SPINK13: variants seen among roughly 807,000 people sequenced by gnomAD.
The protein encoded by SPINK13 is serine peptidase inhibitor Kazal type 13, also known as serine protease inhibitor Kazal-type 13.
Under a neutral mutation model 11.0 loss-of-function variants are expected in SPINK13, and 11 were observed. The observed-to-expected ratio is 1.00, with a 90% CI of 0.63 to 1.65. The LOEUF is 1.65. SPINK13 is among the 40% of genes most tolerant of loss of function. The pLI, the probability that SPINK13 is intolerant of heterozygous loss-of-function variation, is 0.00. For missense variants in SPINK13, 113 were observed against 117.7 expected, an observed-to-expected ratio of 0.96 and a Z score of 0.19; for synonymous variants, 31 against 35.6, an observed-to-expected ratio of 0.87 and a Z score of 0.46.
chr5:148,270,369 C>G (rs1042472537), intron 2 of SPINK13, among the ~76,000 whole-genome samples: 19 of 152,030 alleles, frequency 1.2e-4, no homozygotes, highest in Non-Finnish European at 2.5e-4. Context: ...CAAAAGAAAT[C>G]CTCTAGAGCA....
chr5:148,280,781 C>G (rs1306191850), intron 3 of SPINK13, among the ~76,000 whole-genome samples: 1 of 152,222 alleles, frequency 6.6e-6, no homozygotes, highest in East Asian at 1.9e-4. Context: ...CTTGAGGAGG[C>G]AGTCTATCCC....
At chr5:148,269,911 G>A in intron 1 of SPINK13, 129 bp from the exon 2 acceptor site, 1 of 508,892 alleles carries the variant, frequency 2.0e-6, no homozygotes, top group Non-Finnish European at 3.3e-6. Flanking sequence ...CTGAGTTCCT[G>A]GAGACCAGGT....
chr5:148,275,464 T>C (rs1323381761), intron 3 of SPINK13, among the ~76,000 whole-genome samples: 2 of 152,146 alleles, frequency 1.3e-5, no homozygotes, highest in African/African-American at 2.4e-5. Flanking sequence ...GTGTTTTTTA[T>C]AATAGAATGA....
At position 148,275,548 on chromosome 5, in the gene SPINK13, C is replaced by T. The variant is rs189214126; in HGVS notation, c.108+1164C>T. ...TGGTATTTCTAGTTCTAGATCCTTG[C>T]GGACTCACCACATTGTCCTCCACAA... On this transcript the variant is annotated intron_variant, in intron 3 of 4. Transcript: ENST00000398450. Among the ~76,000 whole-genome samples, 17 of 152,260 alleles carry T rather than the reference C, an allele frequency of 1.1e-4. 1 individual carries two copies. The highest frequency in any genetic ancestry group is 5.8e-4 in the East Asian group (3 of 5,184).
At chr5:148,274,296 C>T (rs892469214) in intron 2 of SPINK13, 51 bp from the exon 3 acceptor site, 2 of 1,372,658 alleles carry the variant, frequency 1.5e-6, no homozygotes, top group Non-Finnish European at 2.1e-6. Flanking sequence ...GATGTTATAT[C>T]CCATGGAGAA....
chr5:148,269,856 T>A (rs1260520216), intron 1 of SPINK13, among the ~76,000 whole-genome samples, 184 bp from the exon 2 acceptor site: 2 of 152,190 alleles, frequency 1.3e-5, no homozygotes, highest in Admixed American at 1.3e-4. Context: ...GTCATTTTTT[T>A]ATGTTTTTCA....
At chr5:148,285,294 A>G (rs747495486) in intron 4 of SPINK13, among the ~76,000 whole-genome samples, 8 of 152,146 alleles carry the variant, frequency 5.3e-5, no homozygotes, top group Admixed American at 5.2e-4. Context: ...TGCATTAGAT[A>G]TATATCAAAG....
intron 3 of SPINK13, among the ~76,000 whole-genome samples, 199 bp downstream of exon 3, chr5:148,274,583 A>C (rs1756397120): frequency 6.6e-6 from 1 of 152,062 alleles, no homozygotes; most frequent in African/African-American, 2.4e-5. Context: ...TCCTGTGTCT[A>C]AAAAAATACA....
intron 4 of SPINK13, among the ~76,000 whole-genome samples, chr5:148,282,589 A>AATAGCACCT (rs1756535670): frequency 6.6e-6 from 1 of 152,250 alleles, no homozygotes; most frequent in Non-Finnish European, 1.5e-5. Flanking sequence ...CAAACCTATG[A>AATAGCACCT]ATAGCACCTA....
intron 1 of SPINK13, among the ~76,000 whole-genome samples, chr5:148,269,537 G>C (rs2113359673): frequency 6.6e-6 from 1 of 152,232 alleles, no homozygotes; most frequent in East Asian, 1.9e-4. Context: ...GGGAAATAAA[G>C]GGCTTAAGTG....
intron 4 of SPINK13, among the ~76,000 whole-genome samples, chr5:148,284,674 G>A (rs532576600): frequency 6.6e-6 from 1 of 152,332 alleles, no homozygotes; most frequent in African/African-American, 2.4e-5. Flanking sequence ...GAGGAGAAGG[G>A]TAATTCCTTG....
chr5:148,274,442 T>C (rs1389164130), intron 3 of SPINK13, 58 bp downstream of exon 3: 2 of 1,415,316 alleles, frequency 1.4e-6, no homozygotes, highest in Non-Finnish European at 2.0e-6. Flanking sequence ...TCTCCAGACA[T>C]GAGAGATCTA....
intron 3 of SPINK13, among the ~76,000 whole-genome samples, chr5:148,275,193 T>G (rs925270703): frequency 4.6e-5 from 7 of 152,200 alleles, no homozygotes; most frequent in African/African-American, 1.7e-4. Flanking sequence ...GTTCATGTGT[T>G]CTCATTGTTC....
At chr5:148,283,418 C>T (rs1756546361) in intron 4 of SPINK13, among the ~76,000 whole-genome samples, 1 of 152,174 alleles carries the variant, frequency 6.6e-6, no homozygotes, top group Non-Finnish European at 1.5e-5. Context: ...ACAGACTATT[C>T]CAAGGGCTCG....
intron 3 of SPINK13, among the ~76,000 whole-genome samples, chr5:148,279,090 G>A (rs1180297636): frequency 9.8e-6 from 1 of 102,534 alleles, no homozygotes; most frequent in African/African-American, 4.3e-5. Context: ...TGCAACCCCT[G>A]CTTTTTTTTT....
chr5:148,285,693 T>A (rs1209936436), intron 4 of SPINK13, among the ~76,000 whole-genome samples: 1 of 152,042 alleles, frequency 6.6e-6, no homozygotes, highest in East Asian at 1.9e-4. Flanking sequence ...ATCTTTTACC[T>A]CTTGGTAAAA....
At chr5:148,285,005 G>A (rs1756569904) in intron 4 of SPINK13, among the ~76,000 whole-genome samples, 1 of 152,120 alleles carries the variant, frequency 6.6e-6, no homozygotes, top group Non-Finnish European at 1.5e-5. Flanking sequence ...CCTTGGTTTT[G>A]TTGGACAAAA....
At chr5:148,275,116 T>C (rs1434418174) in intron 3 of SPINK13, among the ~76,000 whole-genome samples, 1 of 152,170 alleles carries the variant, frequency 6.6e-6, no homozygotes, top group Non-Finnish European at 1.5e-5. Flanking sequence ...GTATTTCTCC[T>C]AATGCTATTC....
At chr5:148,275,874 G>C (rs574621890) in intron 3 of SPINK13, among the ~76,000 whole-genome samples, 1 of 152,000 alleles carries the variant, frequency 6.6e-6, no homozygotes, top group South Asian at 2.1e-4. Context: ...TGTTAGCCAG[G>C]ATGGTCTCAA....
Sources: allele counts gnomAD v4.1 joint callset (sites outside exome capture counted in the v4.1 genomes callset), GRCh38; gene constraint gnomAD v4.1.1; transcripts MANE v1.5; gene names NCBI Gene and HGNC (gene_info 2026-07-23, HGNC 2026-07-21).